TANC2: variants seen among roughly 807,000 people sequenced by gnomAD.
TANC2 encodes the protein tetratricopeptide repeat, ankyrin repeat and coiled-coil containing 2.
TANC2 carries 26 observed loss-of-function variants against 210.5 expected under a neutral mutation model. That is an observed-to-expected ratio of 0.12 (90% CI 0.09 to 0.17). The LOEUF (loss-of-function observed/expected upper bound fraction) is 0.17. Among genes scored for constraint, TANC2 ranks in the 10% least tolerant of loss-of-function variants. TANC2 has a pLI of 1.00. For missense variants in TANC2, 2,129 were observed against 2,608.9 expected (o/e 0.82, Z 4.01); for synonymous variants, 931 against 967.1 (o/e 0.96, Z 0.69).
intron 1 of TANC2, among the ~76,000 whole-genome samples, chr17:62,997,151 A>G (rs907124248): frequency 1.4e-5 from 2 of 139,402 alleles, no homozygotes; most frequent in African/African-American, 5.5e-5. Context: ...GAAAAAAAGG[A>G]CAGAGTCTCA....
At chr17:63,178,162 T>G (rs2040655768) in intron 5 of TANC2, among the ~76,000 whole-genome samples, 1 of 152,020 alleles carries the variant, frequency 6.6e-6, no homozygotes, top group South Asian at 2.1e-4. Flanking sequence ...AAACCCCATC[T>G]CTACTAAAAA....
chr17:63,191,858 G>T (rs1169563070), intron 5 of TANC2, among the ~76,000 whole-genome samples: 1 of 152,164 alleles, frequency 6.6e-6, no homozygotes, highest in Non-Finnish European at 1.5e-5. Flanking sequence ...AGTTAAGTCT[G>T]TAATCTAGAA....
chr17:63,332,971 A>G (rs1409682980), intron 11 of TANC2, among the ~76,000 whole-genome samples: 1 of 152,166 alleles, frequency 6.6e-6, no homozygotes, highest in African/African-American at 2.4e-5. Context: ...ATCTACACAG[A>G]AAAAAAGATA....
At chr17:62,988,295 C>CTTTTT (rs59386058) in intron 1 of TANC2, among the ~76,000 whole-genome samples, 2 of 111,730 alleles carry the variant, frequency 1.8e-5, no homozygotes, top group African/African-American at 7.4e-5. Context: ...ACCTGGCTAA[C>CTTTTT]TTTTTTTTTT....
At chr17:63,002,504 T>TAGAC (rs1420921616) in intron 1 of TANC2, among the ~76,000 whole-genome samples, 1 of 152,240 alleles carries the variant, frequency 6.6e-6, no homozygotes, top group Non-Finnish European at 1.5e-5. Context: ...TGCAGACATC[T>TAGAC]ATATGCTTTC....
At position 63,257,492 on chromosome 17, in the gene TANC2, A is replaced by G. The variant is rs527303944; in HGVS notation, c.1034-10256A>G. On this transcript the variant is annotated intron_variant, in intron 8 of 27. Transcript: ENST00000689528. ...CCCACCTCAGCCTCTCTAGTAACTG[A>G]GATAACAGGTGCACACCACCATGCT... 6.5e-3 allele frequency among the ~76,000 whole-genome samples: 996 copies of G among 152,072 alleles called. 14 individuals are homozygous for G. The highest frequency in any genetic ancestry group is 0.01 in the Non-Finnish European group (689 of 67,968).
chr17:63,403,406 TAGTA>T (rs1260610228), intron 19 of TANC2, among the ~76,000 whole-genome samples: 4 of 152,192 alleles, frequency 2.6e-5, no homozygotes, highest in Non-Finnish European at 5.9e-5. Context: ...TTATGGTTCC[TAGTA>T]AGTGTCTATC....
intron 8 of TANC2, among the ~76,000 whole-genome samples, chr17:63,256,352 T>A (rs930975575): frequency 3.3e-5 from 5 of 152,258 alleles, no homozygotes; most frequent in African/African-American, 1.2e-4. Context: ...AACTTCTTCA[T>A]TGACCCACTG....
At position 63,375,845 on chromosome 17, in the gene TANC2, T is replaced by G. The variant is rs548353470; in HGVS notation, c.2583-3873T>G. Among the ~76,000 whole-genome samples, 3 of 152,224 alleles carry G rather than the reference T, an allele frequency of 2.0e-5. No homozygotes were observed. The East Asian group carries it at 5.8e-4, about 29-fold the overall frequency. On this transcript the variant is annotated intron_variant, in intron 14 of 27. Coordinates refer to ENST00000689528, the Ensembl canonical transcript of TANC2. Reference sequence around the variant, plus strand: ...TGGCTCATGCTTGTAATCCCAGCATTTTGGGAGGCTGAGGTGGCCAGATCA... The same window carrying G: ...TGGCTCATGCTTGTAATCCCAGCATGTTGGGAGGCTGAGGTGGCCAGATCA...
chr17:63,099,397 C>T (rs1291818235), intron 4 of TANC2, 40 bp downstream of exon 4: 2 of 1,403,496 alleles, frequency 1.4e-6, no homozygotes, highest in South Asian at 1.5e-5. Context: ...TAACAGGAAA[C>T]CTAACGATAT....
chr17:63,421,773 C>G lies in TANC2; in HGVS notation c.6043C>G (p.Arg2015Gly). The G allele has an allele frequency of 6.2e-7, 1 of 1,614,036 alleles. No individual in the cohort carries two copies. Among genetic ancestry groups the G allele is most frequent in the Non-Finnish European group, 8.5e-7 (1 of 1,179,888 alleles). Residue 2015 changes from arginine (R) to glycine (G), a missense_variant, in exon 28 of 28, where the codon CGT becomes GGT. Transcript: ENST00000689528. This position sits in a 1 kb window ranked among gnomAD's most constrained non-coding sequence, Gnocchi z 6.9. ...CCATGGGATGCTGGCTAACGGGTCT[C>G]GTGGAGACCTCTTGGAGCGAGTCAG...
intron 21 of TANC2, among the ~76,000 whole-genome samples, chr17:63,409,875 T>C (rs1380276239): frequency 6.6e-6 from 1 of 152,266 alleles, no homozygotes; most frequent in Admixed American, 6.5e-5. Flanking sequence ...ATATCGCTTA[T>C]CTGAAACACT....
chr17:63,247,000 A>G (rs2042937011), intron 8 of TANC2, among the ~76,000 whole-genome samples: 1 of 152,122 alleles, frequency 6.6e-6, no homozygotes. Context: ...GTGTGAAATG[A>G]TATCTCATGA....
chr17:63,416,412 G>C (rs960713175), intron 26 of TANC2, among the ~76,000 whole-genome samples: 1 of 152,226 alleles, frequency 6.6e-6, no homozygotes, highest in African/African-American at 2.4e-5. Flanking sequence ...AGGTCTCACA[G>C]TTCCTCAGGA....
At chr17:63,360,936 A>T (rs1356621481) in intron 14 of TANC2, among the ~76,000 whole-genome samples, 1 of 152,048 alleles carries the variant, frequency 6.6e-6, no homozygotes, top group Non-Finnish European at 1.5e-5. Flanking sequence ...TAACGTAATG[A>T]CCTCCAGTTC....
intron 19 of TANC2, among the ~76,000 whole-genome samples, chr17:63,400,036 A>G (rs541401903): frequency 1.1e-4 from 16 of 152,342 alleles, no homozygotes; most frequent in African/African-American, 3.6e-4. Context: ...AAGCCAGAGG[A>G]CAGGCTGAGG....
chr17:63,032,221 CT>C (rs2034799173), intron 2 of TANC2, among the ~76,000 whole-genome samples: 1 of 152,136 alleles, frequency 6.6e-6, no homozygotes, highest in Admixed American at 6.6e-5. Context: ...TGATTCAGTT[CT>C]TTTGTTTTCA....
intron 9 of TANC2, among the ~76,000 whole-genome samples, chr17:63,305,805 A>G (rs563873239): frequency 1.3e-5 from 2 of 152,344 alleles, no homozygotes; most frequent in African/African-American, 4.8e-5. Context: ...TGAAGAGAAG[A>G]AGAGGGGCAT....
chr17:63,158,006 G>T (rs997740407), intron 5 of TANC2, among the ~76,000 whole-genome samples: 2 of 152,076 alleles, frequency 1.3e-5, no homozygotes, highest in Non-Finnish European at 2.9e-5. Flanking sequence ...TTCACAAAAA[G>T]AATAAAATTT....
Sources: gnomAD v4.1 joint callset for allele counts (sites outside exome capture counted in the v4.1 genomes callset) on GRCh38, gnomAD v4.1.1 for gene constraint, Gnocchi (gnomAD v3.1) non-coding constraint, MANE v1.5 for transcripts, NCBI Gene and HGNC (gene_info 2026-07-23, HGNC 2026-07-21) for gene names.